ABHD12: variants seen among roughly 807,000 people sequenced by gnomAD.
ABHD12 encodes lysophosphatidylserine lipase ABHD12.
Under a neutral mutation model 58.3 loss-of-function variants are expected in ABHD12, and 43 were observed. The observed-to-expected ratio is 0.74, with a 90% CI of 0.58 to 0.95. ABHD12 has a LOEUF of 0.95. ABHD12 is among the 40% of genes least tolerant of loss of function. The pLI, the probability that ABHD12 is intolerant of heterozygous loss-of-function variation, is 0.00. For missense variants in ABHD12, 539 were observed against 537.2 expected (o/e 1.00, Z -0.03); for synonymous variants, 219 against 211.2 (o/e 1.04, Z -0.32).
intron 2 of ABHD12, among the ~76,000 whole-genome samples, chr20:25,329,004 C>T (rs1009839324): frequency 1.3e-5 from 2 of 152,190 alleles, no homozygotes; most frequent in African/African-American, 4.8e-5. Flanking sequence ...GACGGGTTGG[C>T]GTGCGCAGGG....
At chr20:25,389,876 C>T (rs1489535325) in intron 1 of ABHD12, 1 of 152,310 alleles carries the variant, frequency 6.6e-6, no homozygotes, top group South Asian at 2.1e-4. Context: ...CTGAGCCCTT[C>T]CCCAAAGGTC....
chr20:25,331,626 C>G (rs1330752343), intron 2 of ABHD12, among the ~76,000 whole-genome samples: 2 of 152,102 alleles, frequency 1.3e-5, no homozygotes, highest in African/African-American at 4.8e-5. Flanking sequence ...ACTCTACAAG[C>G]CAGAAGAGAG....
At chr20:25,296,600 T>G (rs948759950), downstream of ABHD12, 6 of 1,509,942 alleles carry the variant, frequency 4.0e-6, no homozygotes, top group African/African-American at 8.2e-5. Context: ...CCAAACACTT[T>G]GCCAGCCACT....
chr20:25,308,093 A>AGGAAGC (rs775161791), intron 8 of ABHD12, 48 bp from the exon 9 acceptor site: 2 of 1,310,160 alleles, frequency 1.5e-6, no homozygotes, highest in Non-Finnish European at 2.2e-6. Flanking sequence ...AGCCAGCGAC[A>AGGAAGC]TACATGTGGC....
At chr20:25,322,396 T>TTTTTTTA (rs2089093699) in intron 3 of ABHD12, among the ~76,000 whole-genome samples, 1 of 123,150 alleles carries the variant, frequency 8.1e-6, no homozygotes, top group African/African-American at 2.8e-5. Context: ...TTTTTTTTTT[T>TTTTTTTA]GAGACAAGAG....
rs79992333 is a variant in ABHD12 at position 25,339,796 on chromosome 20, C to G, written c.192-445G>C. ...ACTTATTAGCTCCTGGTAGGAAGCA[C>G]GTAGACCAAGGACATCAACAGAACC... On this transcript the variant is annotated intron_variant, in intron 1 of 12. Coordinates refer to ENST00000339157, the MANE Select transcript of ABHD12 (RefSeq NM_001042472.3). 8.1e-6 allele frequency: 10 copies of G among 1,231,928 alleles called. No individual in the cohort carries two copies. In the East Asian group the frequency reaches 5.7e-4, roughly 70 times the overall value. 76.3% of individuals were successfully genotyped at this position (1,231,928 alleles called of 1,614,324 possible).
chr20:25,313,977 TTC>T (rs1322668923), intron 6 of ABHD12, among the ~76,000 whole-genome samples: 3 of 91,508 alleles, frequency 3.3e-5, no homozygotes, highest in Admixed American at 2.3e-4. Flanking sequence ...CTCTTAACAG[TTC>T]TTTTTTTTTT....
intron 6 of ABHD12, among the ~76,000 whole-genome samples, chr20:25,312,636 G>A (rs1311625922): frequency 1.5e-4 from 23 of 151,778 alleles, no homozygotes; most frequent in Admixed American, 5.9e-4. Flanking sequence ...CCGCCTGGCC[G>A]CCCATCGTCT....
At chr20:25,353,710 C>A (rs1245631815) in intron 1 of ABHD12, among the ~76,000 whole-genome samples, 1 of 152,196 alleles carries the variant, frequency 6.6e-6, no homozygotes, top group Non-Finnish European at 1.5e-5. Context: ...TAAGCAAGCA[C>A]CCGAGGCATA....
intron 10 of ABHD12, 77 bp downstream of exon 10, chr20:25,306,756 G>T: frequency 1.0e-6 from 1 of 1,002,588 alleles, no homozygotes; most frequent in Non-Finnish European, 1.5e-6. Flanking sequence ...TTTGATTACT[G>T]TGACTAAAGA....
At position 25,353,712 on chromosome 20, in the gene ABHD12, C is replaced by T. The variant is rs867320846; in HGVS notation, c.192-14361G>A. The stretch of plus-strand genomic sequence containing the variant: ...AAGGTCCAGGAAATAAGCAAGCACC[C>T]GAGGCATAGAGAAATTAAAATTTGT... On this transcript the variant is annotated intron_variant, in intron 1 of 12. Transcript: ENST00000339157. Among the ~76,000 whole-genome samples the T allele has an allele frequency of 8.5e-5, 13 of 152,286 alleles. 1 individual carries two copies. The Middle Eastern group carries it at 0.024, about 279-fold the overall frequency.
At chr20:25,305,465 C>T (rs563497776) in intron 10 of ABHD12, among the ~76,000 whole-genome samples, 132 of 150,840 alleles carry the variant, frequency 8.8e-4, no homozygotes, top group Admixed American at 3.6e-3. Context: ...CGGGTTCAAG[C>T]GATTCTCCTG....
chr20:25,294,815 CTT>C (rs2088514589), exon 13 of ABHD12: 1 of 773,520 alleles, frequency 1.3e-6, no homozygotes. Flanking sequence ...GAGTTACAGA[CTT>C]TGTAAGGTTT....
intron 1 of ABHD12, among the ~76,000 whole-genome samples, chr20:25,353,817 G>GCACACT (rs2089633471): frequency 6.6e-6 from 1 of 152,182 alleles, no homozygotes; most frequent in South Asian, 2.1e-4. Context: ...TCGCCTTCCT[G>GCACACT]GCCTTTCCTT....
intron 1 of ABHD12, among the ~76,000 whole-genome samples, chr20:25,348,563 A>G (rs1050504174): frequency 6.6e-6 from 1 of 151,332 alleles, no homozygotes; most frequent in African/African-American, 2.4e-5. Context: ...TGAGGCTGCA[A>G]TGAGCTGTGA....
chr20:25,370,134 C>T lies in ABHD12; in HGVS notation c.191+20379G>A, dbSNP rs540808028. On this transcript the variant is annotated intron_variant, in intron 1 of 12. Coordinates refer to ENST00000339157, the MANE Select transcript of ABHD12 (RefSeq NM_001042472.3). ...ACCCAAACACACTCATCCTTCAAAG[C>T]TTTCAATGCCTTGGGGCGCTGACTG... Among the ~76,000 whole-genome samples, 41 of 152,290 alleles carry T rather than the reference C, an allele frequency of 2.7e-4. No individual in the cohort carries two copies. The South Asian group carries it at 3.5e-3, about 13-fold the overall frequency.
At chr20:25,307,430 C>A (rs1178152467) in intron 9 of ABHD12, among the ~76,000 whole-genome samples, 1 of 152,202 alleles carries the variant, frequency 6.6e-6, no homozygotes, top group African/African-American at 2.4e-5. Flanking sequence ...GGATCACAAA[C>A]CAGAGTGAGA....
rs1371352031 is a variant in ABHD12, at chr20:25,300,828, C to T, written c.*17G>A. 6.2e-7 allele frequency: 1 copy of T among 1,614,066 alleles called. No homozygotes were observed. Among genetic ancestry groups the T allele is most frequent in the Non-Finnish European group, 8.5e-7 (1 of 1,179,986 alleles). On this transcript the variant is annotated 3_prime_UTR_variant, in exon 13 of 13. Transcript: ENST00000339157. ...GAGGAGGGCAGAGGTCTTCATGCTT[C>T]CTTCCCACGGCCAGGCTCAGTGCTG...
At chr20:25,317,323 C>T (rs1356726298) in intron 4 of ABHD12, among the ~76,000 whole-genome samples, 2 of 152,198 alleles carry the variant, frequency 1.3e-5, no homozygotes, top group African/African-American at 4.8e-5. Context: ...TGCACACCTA[C>T]AGCCCCAAAC....
Sources: gnomAD v4.1 joint callset for allele counts (sites outside exome capture counted in the v4.1 genomes callset) on GRCh38, gnomAD v4.1.1 for gene constraint, MANE v1.5 for transcripts, NCBI Gene and HGNC (gene_info 2026-07-23, HGNC 2026-07-21) for gene names.